The following CCDC88C variants were observed in gnomAD, a reference collection of about 807,000 sequenced individuals.
The protein encoded by CCDC88C is coiled-coil and HOOK domain protein 88C.
Under a neutral mutation model 198.8 loss-of-function variants are expected in CCDC88C, and 131 were observed. The ratio of observed to expected loss-of-function variants is 0.66; its 90% CI spans 0.57 to 0.76. CCDC88C has a LOEUF of 0.76. Ranked by LOEUF, CCDC88C falls within the 30% of genes least tolerant of loss-of-function variation. The pLI, the probability that CCDC88C is intolerant of heterozygous loss-of-function variation, is 0.00. For synonymous variants in CCDC88C, 1,166 were observed against 1,114.7 expected, an observed-to-expected ratio of 1.05 and a Z score of -0.92; for missense variants, 2,553 against 2,631.6, an observed-to-expected ratio of 0.97 and a Z score of 0.65.
intron 10 of CCDC88C, among the ~76,000 whole-genome samples, chr14:91,337,089 C>T (rs1893081342): frequency 6.6e-6 from 1 of 152,222 alleles, no homozygotes; most frequent in African/African-American, 2.4e-5. Flanking sequence ...GGGAAAAATT[C>T]CTAAATCCTC....
In CCDC88C at chr14:91,294,169, T is replaced by A. The variant is rs1260725305; in HGVS notation, c.4112+4A>T. 2 of 1,613,870 alleles carry A rather than the reference T, an allele frequency of 1.2e-6. No homozygotes were observed. The highest frequency in any genetic ancestry group is 2.2e-5 in the South Asian group (2 of 91,086). Reference sequence around the variant, plus strand: ...GGAGAGGGGTTCAGGGACTCCCTGCTTACATGTACTGCTTCTGCTCCTCAT... The same window carrying A: ...GGAGAGGGGTTCAGGGACTCCCTGCATACATGTACTGCTTCTGCTCCTCAT... On this transcript the variant is annotated splice_donor_region_variant and intron_variant, in intron 23 of 29. Transcript: ENST00000389857.
Position 91,342,444 on chromosome 14 carries a change from A to AAC in CCDC88C, c.417_418dup (p.Phe140CysfsTer24). The AAC allele has an allele frequency of 6.3e-7, 1 of 1,594,154 alleles. No homozygotes were observed. The highest frequency in any genetic ancestry group is 8.5e-7 in the Non-Finnish European group (1 of 1,169,924). On this transcript the variant is annotated frameshift_variant, in exon 6 of 30. Transcript: ENST00000389857. LOFTEE classifies it high-confidence loss of function. ...GTCCAGCTGTTTGATTCTTTCAATG[A>AAC]ACTCCTCTTTCCTCTCACACTGCGG...
At chr14:91,334,121 C>T (rs1441129196) in intron 10 of CCDC88C, among the ~76,000 whole-genome samples, 1 of 152,224 alleles carries the variant, frequency 6.6e-6, no homozygotes, top group Non-Finnish European at 1.5e-5. Context: ...TGTGCTTTAT[C>T]ACATATCCAT....
intron 3 of CCDC88C, chr14:91,384,390 C>G: frequency 2.0e-6 from 1 of 488,850 alleles, no homozygotes; most frequent in Non-Finnish European, 4.1e-6. Context: ...TTCATCCTTT[C>G]CAGGGAAGCG....
Position 91,342,431 on chromosome 14 carries a change from G to A in CCDC88C, c.432C>T (p.Ile144=). Residue 144 remains isoleucine, a synonymous_variant, in exon 6 of 30, where the codon ATC becomes ATT. Coordinates refer to ENST00000389857, the MANE Select transcript of CCDC88C (RefSeq NM_001080414.4). The part of the protein sequence containing the change: ...CERKEEFIER[I]KQLDIETQAG... The stretch of plus-strand genomic sequence containing the variant: ...CCTGGGTCTCAATGTCCAGCTGTTT[G>A]ATTCTTTCAATGAACTCCTCTTTCC... 6.3e-7 allele frequency: 1 copy of A among 1,598,086 alleles called. No homozygotes were observed. The highest frequency in any genetic ancestry group is 1.7e-5 in the Admixed American group (1 of 57,774).
At chr14:91,332,959 T>C (rs1226347359) in intron 10 of CCDC88C, among the ~76,000 whole-genome samples, 1 of 152,164 alleles carries the variant, frequency 6.6e-6, no homozygotes. Flanking sequence ...CTGCAAACCC[T>C]GCCTTTCCGG....
intron 12 of CCDC88C, 102 bp downstream of exon 12, chr14:91,324,677 A>G: frequency 2.2e-6 from 3 of 1,371,790 alleles, no homozygotes; most frequent in Non-Finnish European, 3.0e-6. Flanking sequence ...GCCTGGGATG[A>G]ATGGATGGGC....
intron 3 of CCDC88C, among the ~76,000 whole-genome samples, chr14:91,404,690 G>A (rs545154002): frequency 3.7e-4 from 57 of 152,300 alleles, no homozygotes; most frequent in African/African-American, 1.2e-3. Context: ...TTGGCTGGGC[G>A]CGGTGGCTCA....
At chr14:91,292,422 C>G (rs1351195648) in intron 23 of CCDC88C, among the ~76,000 whole-genome samples, 1 of 152,214 alleles carries the variant, frequency 6.6e-6, no homozygotes, top group Non-Finnish European at 1.5e-5. Flanking sequence ...TGCCCAACCT[C>G]TGCTGGCGAT....
chr14:91,275,430 G>GC (rs924637192), intron 29 of CCDC88C, among the ~76,000 whole-genome samples: 6 of 151,824 alleles, frequency 4.0e-5, no homozygotes, highest in South Asian at 2.1e-4. Context: ...CCAGCTGTGG[G>GC]CCCCCCCAAT....
chr14:91,338,289 G>A lies in CCDC88C; in HGVS notation c.892-126C>T. ...GACAAGCCAGCTCCTGGTGGCCGGG[G>A]GCCTCCATGTGCCACCACCACACGG... On this transcript the variant is annotated intron_variant, in intron 9 of 29. Transcript: ENST00000389857. This position sits in a 1 kb window ranked among gnomAD's most constrained non-coding sequence, Gnocchi z 4.8. 2 of 1,212,100 alleles carry A rather than the reference G, an allele frequency of 1.7e-6. No individual in the cohort carries two copies. Among genetic ancestry groups the A allele is most frequent in the Non-Finnish European group, 1.2e-6 (1 of 864,788 alleles). The allele number at this position is 1,212,100 out of a possible 1,614,324, so 75.1% of individuals were successfully genotyped here.
At chr14:91,375,081 C>T (rs1271034126) in intron 3 of CCDC88C, among the ~76,000 whole-genome samples, 2 of 152,220 alleles carry the variant, frequency 1.3e-5, no homozygotes, top group Admixed American at 6.5e-5. Flanking sequence ...GTTTCCTCTG[C>T]TAAACCAGCC....
chr14:91,308,182 C>G (rs569398547), intron 17 of CCDC88C, among the ~76,000 whole-genome samples, 169 bp downstream of exon 17: 1 of 152,276 alleles, frequency 6.6e-6, no homozygotes, highest in East Asian at 1.9e-4. Context: ...TCTGTTTGGC[C>G]CTAGTGCGTG....
intron 23 of CCDC88C, among the ~76,000 whole-genome samples, chr14:91,293,646 T>A (rs898501014): frequency 6.6e-6 from 1 of 151,874 alleles, no homozygotes; most frequent in Admixed American, 6.6e-5. Context: ...AGCTGTGGAC[T>A]TCAACTCCCC....
At chr14:91,335,529 C>G (rs1043507477) in intron 10 of CCDC88C, among the ~76,000 whole-genome samples, 1 of 152,172 alleles carries the variant, frequency 6.6e-6, no homozygotes, top group African/African-American at 2.4e-5. Context: ...AGCACCCCCA[C>G]CCCCTGGCCC....
intron 19 of CCDC88C, among the ~76,000 whole-genome samples, chr14:91,305,093 T>A (rs1231404007): frequency 6.6e-6 from 1 of 151,902 alleles, no homozygotes; most frequent in Non-Finnish European, 1.5e-5. Context: ...AATACAAAAA[T>A]TAGCCAAGGC....
intron 13 of CCDC88C, among the ~76,000 whole-genome samples, chr14:91,317,146 C>T (rs1892139444): frequency 6.6e-6 from 1 of 152,208 alleles, no homozygotes; most frequent in African/African-American, 2.4e-5. Context: ...CTTATGACTT[C>T]AATACAAAGC....
In CCDC88C at chr14:91,338,711, G is replaced by A. The variant is rs866757481; in HGVS notation, c.810-141C>T. 14 of 634,374 alleles carry A rather than the reference G, an allele frequency of 2.2e-5. No individual in the cohort carries two copies. In the Middle Eastern group the frequency reaches 2.3e-3, roughly 102 times the overall value. 39.3% of individuals were successfully genotyped at this position (634,374 alleles called of 1,614,324 possible). ...CGGTGGGGAGGCGATCTGCTTATGG[G>A]GCCTGCAAAAATGTTACTGACTCAA... On this transcript the variant is annotated intron_variant, in intron 8 of 29. Transcript: ENST00000389857. The surrounding 1 kb of genome is among the most constrained non-coding windows in gnomAD (Gnocchi z 4.8).
rs1270538316 is a variant in CCDC88C at position 91,325,474 on chromosome 14, AGCAGTGGCAGCAGCAACG to A, written c.1197+418_1197+435del. ...CCGCAGTCAACAAGTCATTCGTGGT[AGCAGTGGCAGCAGCAACG>A]GCAGTAGCAGCAACAAACCCAGTAG... On this transcript the variant is annotated intron_variant, in intron 11 of 29. Transcript: ENST00000389857. The surrounding 1 kb of genome is among the most constrained non-coding windows in gnomAD (Gnocchi z 4.1). Among the ~76,000 whole-genome samples, 1 of 152,250 alleles carries A rather than the reference AGCAGTGGCAGCAGCAACG, an allele frequency of 6.6e-6. No individual in the cohort carries two copies. Among genetic ancestry groups the A allele is most frequent in the African/African-American group, 2.4e-5 (1 of 41,474 alleles).
Sources: gnomAD v4.1 joint callset for allele counts (sites outside exome capture counted in the v4.1 genomes callset) on GRCh38, gnomAD v4.1.1 for gene constraint, Gnocchi (gnomAD v3.1) non-coding constraint, MANE v1.5 for transcripts, NCBI Gene and HGNC (gene_info 2026-07-23, HGNC 2026-07-21) for gene names.